The following TAFA2 variants were observed in gnomAD, a reference collection of about 807,000 sequenced individuals.
TAFA2 encodes chemokine-like protein TAFA-2.
Under a neutral mutation model 18.8 loss-of-function variants are expected in TAFA2, and 7 were observed. The observed-to-expected ratio is 0.37, with a 90% CI of 0.21 to 0.70. The LOEUF (loss-of-function observed/expected upper bound fraction) is 0.70, where lower values mean the gene tolerates loss of function less well. Among genes scored for constraint, TAFA2 ranks in the 30% least tolerant of loss-of-function variants. TAFA2 has a pLI of 0.53. For synonymous variants in TAFA2, 60 were observed against 54.2 expected (o/e 1.11, Z -0.47); for missense variants, 122 against 158.1 (o/e 0.77, Z 1.23).
chr12:62,223,727 T>C (rs957233721), intron 1 of TAFA2, among the ~76,000 whole-genome samples: 2 of 152,190 alleles, frequency 1.3e-5, no homozygotes, highest in African/African-American at 2.4e-5. Flanking sequence ...AATGATTTCT[T>C]GGATATGTCA....
chr12:62,021,601 G>T (rs1040141726), intron 1 of TAFA2: 4 of 991,828 alleles, frequency 4.0e-6, no homozygotes, highest in Admixed American at 3.4e-5. Context: ...GACGGCAGGC[G>T]GTTCTGGCTT....
chr12:61,849,109 G>T (rs1873533107), intron 2 of TAFA2, among the ~76,000 whole-genome samples: 1 of 152,154 alleles, frequency 6.6e-6, no homozygotes, highest in Non-Finnish European at 1.5e-5. Flanking sequence ...CTTCCAGAGT[G>T]CTGGAATTAC....
chr12:61,998,598 C>T (rs1364938359), intron 1 of TAFA2, among the ~76,000 whole-genome samples: 1 of 152,112 alleles, frequency 6.6e-6, no homozygotes, highest in Non-Finnish European at 1.5e-5. Flanking sequence ...GATGGGGAAA[C>T]TGAAGCTCCA....
At chr12:61,992,937 G>A (rs953231388) in intron 1 of TAFA2, among the ~76,000 whole-genome samples, 9 of 152,136 alleles carry the variant, frequency 5.9e-5, no homozygotes, top group African/African-American at 2.2e-4. Context: ...TGAGTGCCAT[G>A]CCTGATGCCT....
rs113839694 is a variant in TAFA2, at chr12:61,903,704, G to A, written c.-1-36278C>T. ...ATATTGGATAAATTGCTTGATTTGC[G>A]TGCTATTCTTTAATTTTAAGAAGTA... is the stretch of plus-strand genomic sequence containing the variant. On this transcript the variant is annotated intron_variant, in intron 1 of 4. Transcript: ENST00000416284. Among the ~76,000 whole-genome samples the A allele has an allele frequency of 5.3e-3, 799 of 152,108 alleles. 4 individuals carry two copies. Among genetic ancestry groups the A allele is most frequent in the African/African-American group, 0.017 (703 of 41,490 alleles).
chr12:61,975,514 C>CGTGTGTGTGTGTGTGTGT (rs3031098), intron 1 of TAFA2, among the ~76,000 whole-genome samples: 8,667 of 136,508 alleles, frequency 0.063, 591 homozygotes, highest in East Asian at 0.2. Context: ...CAATAATATT[C>CGTGTGTGTGTGTGTGTGT]GTGTGTGTGT....
At chr12:61,850,334 A>G (rs1873590804) in intron 2 of TAFA2, among the ~76,000 whole-genome samples, 1 of 151,908 alleles carries the variant, frequency 6.6e-6, no homozygotes, top group South Asian at 2.1e-4. Context: ...GGGGATGATC[A>G]GTCATTGTAA....
chr12:61,710,949 T>C (rs2120533338), intron 4 of TAFA2, among the ~76,000 whole-genome samples: 1 of 151,910 alleles, frequency 6.6e-6, no homozygotes, highest in Non-Finnish European at 1.5e-5. Context: ...AAAATTATAT[T>C]TGAAAAAAAT....
In TAFA2 at chr12:61,867,346, A is replaced by C. The variant is rs377373344; in HGVS notation, c.80T>G (p.Val27Gly). The change falls in exon 2 of 5, where the codon GTT becomes GGT. Residue 27 changes from valine (V) to glycine (G), a missense_variant. Val to Gly is a moderately radical substitution (Grantham distance 109). Transcript: ENST00000416284. ...IIFIVTLWGKVVSSANHHKAH... is the reference protein window; with the variant it reads ...IIFIVTLWGKGVSSANHHKAH... Reference sequence around the variant, plus strand: ...TTTATGATGGTTTGCACTGGATACAACTTTCCCCCACAAGGTTACAATAAA... The same window carrying C: ...TTTATGATGGTTTGCACTGGATACACCTTTCCCCCACAAGGTTACAATAAA... 1.2e-6 allele frequency: 2 copies of C among 1,609,046 alleles called. No homozygotes were observed. The highest frequency in any genetic ancestry group is 2.7e-5 in the African/African-American group (2 of 74,618).
At chr12:62,045,488 A>G (rs1187788901) in intron 1 of TAFA2, among the ~76,000 whole-genome samples, 1 of 152,222 alleles carries the variant, frequency 6.6e-6, no homozygotes, top group Non-Finnish European at 1.5e-5. Flanking sequence ...CCAGTAAAAC[A>G]AAGCTGCTTT....
At chr12:62,162,691 C>T in intron 1 of TAFA2, among the ~76,000 whole-genome samples, 1 of 152,084 alleles carries the variant, frequency 6.6e-6, no homozygotes, top group South Asian at 2.1e-4. Context: ...ACTAGTCTGC[C>T]TTGTCAATTT....
At chr12:61,865,469 C>T (rs1592445087) in intron 2 of TAFA2, among the ~76,000 whole-genome samples, 2 of 152,156 alleles carry the variant, frequency 1.3e-5, no homozygotes, top group East Asian at 3.9e-4. Flanking sequence ...TTCATAAAAT[C>T]TTCATCCAAA....
At chr12:62,104,481 T>C (rs191316673) in intron 1 of TAFA2, among the ~76,000 whole-genome samples, 60 of 152,210 alleles carry the variant, frequency 3.9e-4, no homozygotes, top group African/African-American at 1.4e-3. Context: ...AAAAACAAAA[T>C]CTTTTCCCAA....
chr12:62,194,687 C>T (rs1022112856), upstream of TAFA2, among the ~76,000 whole-genome samples: 3 of 152,180 alleles, frequency 2.0e-5, no homozygotes, highest in African/African-American at 7.2e-5. Context: ...TTTGCATTCT[C>T]TTCAAAGGAA....
At chr12:61,731,334 C>T (rs1164794896) in intron 4 of TAFA2, among the ~76,000 whole-genome samples, 2 of 152,062 alleles carry the variant, frequency 1.3e-5, no homozygotes, top group Admixed American at 6.6e-5. Flanking sequence ...TGGTACGTTC[C>T]TGTGGTGGTT....
intron 1 of TAFA2, among the ~76,000 whole-genome samples, chr12:62,184,782 G>A (rs1052241031): frequency 6.6e-6 from 1 of 151,910 alleles, no homozygotes; most frequent in African/African-American, 2.4e-5. Context: ...TTACAGGCAT[G>A]AGCCACCGTG....
At chr12:62,188,884 T>C (rs1344615326) in intron 1 of TAFA2, among the ~76,000 whole-genome samples, 1 of 152,196 alleles carries the variant, frequency 6.6e-6, no homozygotes, top group Non-Finnish European at 1.5e-5. Flanking sequence ...GTAAATACCA[T>C]ATTGCCATCT....
chr12:61,845,813 A>G (rs1017377251), intron 2 of TAFA2, among the ~76,000 whole-genome samples: 2 of 152,250 alleles, frequency 1.3e-5, no homozygotes, highest in Admixed American at 1.3e-4. Flanking sequence ...CATATAAATG[A>G]TCCACAAAAT....
intron 1 of TAFA2, among the ~76,000 whole-genome samples, chr12:62,140,802 G>A (rs2062234528): frequency 6.6e-6 from 1 of 152,220 alleles, no homozygotes; most frequent in East Asian, 1.9e-4. Context: ...TGTCCTATAG[G>A]AACAGGGAAA....
Sources: allele counts gnomAD v4.1 joint callset (sites outside exome capture counted in the v4.1 genomes callset), GRCh38; gene constraint gnomAD v4.1.1; transcripts MANE v1.5; gene names NCBI Gene and HGNC (gene_info 2026-07-23, HGNC 2026-07-21).